The following SHROOM2 variants were observed in gnomAD, a reference collection of about 807,000 sequenced individuals.
SHROOM2 encodes shroom family member 2.
A neutral mutation model predicts 75.9 loss-of-function variants in SHROOM2; 33 were observed. The ratio of observed to expected loss-of-function variants is 0.43; its 90% confidence interval spans 0.33 to 0.58. SHROOM2 has a LOEUF of 0.58. SHROOM2 is among the 20% of genes least tolerant of loss of function. SHROOM2 has a pLI of 0.04. For missense variants in SHROOM2, 1,434 were observed against 1,461.2 expected (o/e 0.98, Z 0.30); for synonymous variants, 655 against 663.6 (o/e 0.99, Z 0.20).
chrX:9,902,861 C>T (rs915780034), intron 5 of SHROOM2, among the ~76,000 whole-genome samples: 2 of 111,439 alleles, frequency 1.8e-5, no homozygotes, highest in East Asian at 2.8e-4. Flanking sequence ...CTTCCGCCCC[C>T]GCCTGCAGGA....
chrX:9,918,345 T>C (rs2084510183), intron 5 of SHROOM2, among the ~76,000 whole-genome samples: 1 of 112,299 alleles, frequency 8.9e-6, no homozygotes, highest in African/African-American at 3.2e-5. Context: ...ACAACAGACT[T>C]TTATTGCTCA....
At chrX:9,808,861 CA>C (rs1330773077) in intron 1 of SHROOM2, among the ~76,000 whole-genome samples, 1 of 107,585 alleles carries the variant, frequency 9.3e-6, no homozygotes, top group African/African-American at 3.5e-5. Context: ...AACTTCGTCT[CA>C]AAAAAAAAAT....
At chrX:9,844,371 G>T (rs2083994737) in intron 1 of SHROOM2, among the ~76,000 whole-genome samples, 1 of 111,030 alleles carries the variant, frequency 9.0e-6, no homozygotes, top group Non-Finnish European at 1.9e-5. Flanking sequence ...AATTAGCCAG[G>T]CATGGTGGTG....
At chrX:9,834,641 T>G (rs2083934266) in intron 1 of SHROOM2, among the ~76,000 whole-genome samples, 1 of 103,951 alleles carries the variant, frequency 9.6e-6, no homozygotes, top group Admixed American at 1.1e-4. Flanking sequence ...TTTATTTATT[T>G]ATTTATTTAT....
At chrX:9,892,717 G>T (rs1285221664) in intron 3 of SHROOM2, among the ~76,000 whole-genome samples, 1 of 111,729 alleles carries the variant, frequency 9.0e-6, no homozygotes, top group South Asian at 3.7e-4. Flanking sequence ...CAGAAGATGG[G>T]TGGGAAACCC....
At chrX:9,930,520 GA>G (rs753136659) in intron 5 of SHROOM2, among the ~76,000 whole-genome samples, 5 of 96,877 alleles carry the variant, frequency 5.2e-5, no homozygotes, top group African/African-American at 2.1e-4. Context: ...AAAAAAAAAA[GA>G]AAAGAAAGAA....
In SHROOM2 at chrX:9,911,364, A is replaced by G. The variant is rs1470601404; in HGVS notation, c.2891+13074A>G. 6.2e-5 allele frequency among the ~76,000 whole-genome samples: 7 copies of G among 112,236 alleles called. No individual in the cohort carries two copies. The Admixed American group carries it at 6.6e-4, about 11-fold the overall frequency. The stretch of plus-strand genomic sequence containing the variant: ...CTAAGGTTAAGTGTCGATATGGGGG[A>G]AAAAAATCTAAAATAGCAGTGATAC... On this transcript the variant is annotated intron_variant, in intron 5 of 9. Coordinates refer to ENST00000380913, the MANE Select transcript of SHROOM2 (RefSeq NM_001649.4).
rs189745694 is a variant in SHROOM2 at position 9,852,929 on chromosome X, G to A, written c.166-20723G>A. On this transcript the variant is annotated intron_variant, in intron 1 of 9. Transcript: ENST00000380913. The stretch of plus-strand genomic sequence containing the variant: ...CCACTCAAGTTGTTAACAATGGATG[G>A]ATGTAGACCTACTATGTGCCTCACT... Among the ~76,000 whole-genome samples, 15 of 111,578 alleles carry A rather than the reference G, an allele frequency of 1.3e-4. No homozygotes were observed. The East Asian group carries it at 4.0e-3, about 29-fold the overall frequency.
chrX:9,884,125 C>T (rs1248325958), intron 2 of SHROOM2, among the ~76,000 whole-genome samples: 1 of 111,480 alleles, frequency 9.0e-6, no homozygotes, highest in East Asian at 2.8e-4. Context: ...ACACCCCCCG[C>T]CCCCCATCGC....
At chrX:9,787,963 A>ATTTCT (rs1348960936) in intron 1 of SHROOM2, among the ~76,000 whole-genome samples, 3 of 93,265 alleles carry the variant, frequency 3.2e-5, no homozygotes, top group Non-Finnish European at 6.3e-5. Context: ...TTTTTCTTTT[A>ATTTCT]TTTCTTTTCT....
chrX:9,878,388 G>C (rs1391259773), intron 2 of SHROOM2, among the ~76,000 whole-genome samples: 2 of 112,193 alleles, frequency 1.8e-5, no homozygotes, highest in Non-Finnish European at 3.8e-5. Flanking sequence ...TAGCAGCAGA[G>C]GGAAGGGTTT....
At chrX:9,848,112 G>A (rs1168941468) in intron 1 of SHROOM2, among the ~76,000 whole-genome samples, 1 of 112,113 alleles carries the variant, frequency 8.9e-6, no homozygotes, top group African/African-American at 3.2e-5. Context: ...GCAGATCCAC[G>A]TTTACAGATT....
intron 9 of SHROOM2, among the ~76,000 whole-genome samples, 193 bp downstream of exon 9, chrX:9,945,106 G>GTTTA (rs373024609): frequency 9.1e-6 from 1 of 109,609 alleles, no homozygotes; most frequent in African/African-American, 3.3e-5. Context: ...TTAGTTGTTT[G>GTTTA]TTTGTTTGTT....
At chrX:9,807,207 G>A (rs976661974) in intron 1 of SHROOM2, among the ~76,000 whole-genome samples, 4 of 112,167 alleles carry the variant, frequency 3.6e-5, no homozygotes, top group African/African-American at 1.3e-4. Context: ...AGCCAGCCCC[G>A]TCGCCATGCC....
chrX:9,882,694 CG>C (rs1294249028), intron 2 of SHROOM2, among the ~76,000 whole-genome samples: 2 of 111,664 alleles, frequency 1.8e-5, no homozygotes, highest in African/African-American at 6.5e-5. Flanking sequence ...AGGCCAGAGG[CG>C]GGGCACGCTC....
intron 1 of SHROOM2, among the ~76,000 whole-genome samples, chrX:9,858,709 G>A (rs1022726772): frequency 8.9e-6 from 1 of 111,900 alleles, no homozygotes; most frequent in African/African-American, 3.3e-5. Flanking sequence ...GGAGGCTGAG[G>A]CAGAAAAATC....
intron 1 of SHROOM2, among the ~76,000 whole-genome samples, chrX:9,866,239 C>A (rs1275573334): frequency 2.8e-5 from 3 of 108,847 alleles, no homozygotes; most frequent in African/African-American, 1.0e-4. Flanking sequence ...GTGTCTCTTT[C>A]CTGGATGAGT....
In SHROOM2 at chrX:9,869,388, G is replaced by A. The variant is rs1418117129; in HGVS notation, c.166-4264G>A. The stretch of plus-strand genomic sequence containing the variant: ...ATGTGTTAAGTACATTTACATTGTT[G>A]TCCAACCATCACCACTGTCCATTTT... On this transcript the variant is annotated intron_variant, in intron 1 of 9. Transcript: ENST00000380913. Among the ~76,000 whole-genome samples the A allele has an allele frequency of 4.5e-5, 5 of 112,220 alleles. No individual in the cohort carries two copies. The Admixed American group carries it at 4.7e-4, about 11-fold the overall frequency.
intron 5 of SHROOM2, among the ~76,000 whole-genome samples, chrX:9,920,636 A>G (rs2084536664): frequency 8.9e-6 from 1 of 112,491 alleles, no homozygotes; most frequent in Non-Finnish European, 1.9e-5. Flanking sequence ...TTTTAACCTA[A>G]AGAAATATAG....
Sources: gnomAD v4.1 joint callset for allele counts (sites outside exome capture counted in the v4.1 genomes callset) on GRCh38, gnomAD v4.1.1 for gene constraint, MANE v1.5 for transcripts, NCBI Gene and HGNC (gene_info 2026-07-23, HGNC 2026-07-21) for gene names.